Variants in AMMECR1 observed in about 807,000 individuals in gnomAD.
AMMECR1 encodes the protein nuclear protein AMMECR1.
AMMECR1 carries 3 observed loss-of-function variants against 22.5 expected under a neutral mutation model. The ratio of observed to expected loss-of-function variants is 0.13; its 90% CI spans 0.06 to 0.35. AMMECR1 has a LOEUF of 0.35. AMMECR1 is among the 10% of genes least tolerant of loss of function. The pLI is 1.00. For synonymous variants in AMMECR1, 130 were observed against 116.7 expected (o/e 1.11, Z -0.74); for missense variants, 235 against 278.7 (o/e 0.84, Z 1.12).
At chrX:110,229,272 G>A (rs2067549653) in intron 2 of AMMECR1, among the ~76,000 whole-genome samples, 1 of 112,171 alleles carries the variant, frequency 8.9e-6, no homozygotes, top group Non-Finnish European at 1.9e-5. Flanking sequence ...TAAGAACCTA[G>A]TTTTCAAAGA....
intron 1 of AMMECR1, among the ~76,000 whole-genome samples, chrX:110,265,432 TCAAAGAA>T (rs1187834329): frequency 8.9e-6 from 1 of 111,754 alleles, no homozygotes. Context: ...CTCTCAAGCA[TCAAAGAA>T]CAAAGTATCA....
upstream of AMMECR1, among the ~76,000 whole-genome samples, chrX:110,320,772 TC>T (rs1193829192): frequency 8.9e-6 from 1 of 112,228 alleles, no homozygotes; most frequent in Non-Finnish European, 1.9e-5. Context: ...ATTCCAAACC[TC>T]ACTAGCATAA....
rs778983961 is a variant in AMMECR1 at position 110,277,689 on chromosome X, A to G, written c.474-13090T>C. On this transcript the variant is annotated intron_variant, in intron 1 of 5. Coordinates refer to ENST00000262844, the MANE Select transcript of AMMECR1 (RefSeq NM_015365.3). ...TGACTCAACCAATTTCAGGGGCAAC[A>G]CACTACTCAGAACCCAAAGGTTAGA... Among the ~76,000 whole-genome samples, 917 of 112,068 alleles carry G rather than the reference A, an allele frequency of 8.2e-3. 7 individuals carry two copies. The highest frequency in any genetic ancestry group is 0.014 in the Non-Finnish European group (727 of 53,159).
intron 2 of AMMECR1, among the ~76,000 whole-genome samples, chrX:110,333,514 A>C (rs1273781750): frequency 1.8e-5 from 2 of 111,869 alleles, no homozygotes; most frequent in African/African-American, 6.5e-5. Context: ...CTATAAAGAC[A>C]CATGCACACG....
chrX:110,415,437 T>C, intron 2 of AMMECR1, among the ~76,000 whole-genome samples: 1 of 112,098 alleles, frequency 8.9e-6, no homozygotes, highest in South Asian at 3.7e-4. Flanking sequence ...TTCCCCATTT[T>C]CAAAATGTTC....
chrX:110,221,178 C>A (rs1208220221), intron 2 of AMMECR1, among the ~76,000 whole-genome samples: 1 of 111,996 alleles, frequency 8.9e-6, no homozygotes, highest in East Asian at 2.8e-4. Flanking sequence ...AGAAGCAATT[C>A]AACTATGTTT....
At chrX:110,330,306 G>C (rs1196274130) in intron 2 of AMMECR1, among the ~76,000 whole-genome samples, 1 of 111,314 alleles carries the variant, frequency 9.0e-6, no homozygotes, top group Non-Finnish European at 1.9e-5. Context: ...AGTTTTCTCT[G>C]TTTTTCATCC....
rs187609318 is a variant in AMMECR1 at position 110,434,108 on chromosome X, G to A, written c.-294+5782C>T. Among the ~76,000 whole-genome samples, 14 of 111,888 alleles carry A rather than the reference G, an allele frequency of 1.3e-4. No homozygotes were observed. The East Asian group carries it at 3.9e-3, about 31-fold the overall frequency. ...GGTTATGTCAGGAGGAACAGTGGAGGCAGGGGAAGACATTCCAGGCAAAGT... is the reference window on the plus strand; with the variant it reads ...GGTTATGTCAGGAGGAACAGTGGAGACAGGGGAAGACATTCCAGGCAAAGT... On this transcript the variant is annotated intron_variant, in intron 1 of 7. Coordinates refer to the AMMECR1 transcript ENST00000372057.
At chrX:110,438,163 C>T (rs775166326) in intron 1 of AMMECR1, among the ~76,000 whole-genome samples, 3 of 111,488 alleles carry the variant, frequency 2.7e-5, no homozygotes, top group African/African-American at 9.8e-5. Context: ...TCATGTTCCT[C>T]CTCTCTCTTT....
chrX:110,373,684 A>G (rs979217658), intron 2 of AMMECR1, among the ~76,000 whole-genome samples: 5 of 112,372 alleles, frequency 4.4e-5, no homozygotes, highest in Non-Finnish European at 7.5e-5. Flanking sequence ...ATCTTTTTGT[A>G]GCCCTCATGT....
chrX:110,371,369 C>A (rs1418134990), intron 2 of AMMECR1, among the ~76,000 whole-genome samples: 2 of 111,906 alleles, frequency 1.8e-5, no homozygotes. Context: ...GGTATCCATA[C>A]CCTCAAGCAT....
chrX:110,306,449 C>CTTTTATTTT (rs999453314), intron 1 of AMMECR1, among the ~76,000 whole-genome samples: 5 of 111,054 alleles, frequency 4.5e-5, no homozygotes, highest in Non-Finnish European at 9.5e-5. Context: ...ACCTCTGGTA[C>CTTTTATTTT]TTTTATTTTT....
At chrX:110,219,680 T>C (rs986044209) in intron 2 of AMMECR1, 3 of 606,862 alleles carry the variant, frequency 4.9e-6, no homozygotes, top group Admixed American at 8.9e-5. Context: ...ATGAATGGGA[T>C]AAAATGACAA....
At chrX:110,287,908 A>G (rs2067888844) in intron 1 of AMMECR1, among the ~76,000 whole-genome samples, 1 of 112,209 alleles carries the variant, frequency 8.9e-6, no homozygotes, top group Admixed American at 9.4e-5. Context: ...CACCTTCTCT[A>G]CTATTTTTGC....
At chrX:110,346,918 CG>C (rs1348309248) in intron 2 of AMMECR1, 5 of 562,753 alleles carry the variant, frequency 8.9e-6, no homozygotes, top group East Asian at 3.4e-5. Context: ...ATGGTGAACG[CG>C]GGGGCCGGGC....
intron 2 of AMMECR1, among the ~76,000 whole-genome samples, chrX:110,260,048 C>T (rs976673611): frequency 9.0e-6 from 1 of 111,492 alleles, no homozygotes; most frequent in Non-Finnish European, 1.9e-5. Context: ...TCCTTCAGCT[C>T]GGACAAAGAA....
chrX:110,399,657 A>G (rs2068551194), intron 2 of AMMECR1, among the ~76,000 whole-genome samples: 2 of 112,078 alleles, frequency 1.8e-5, no homozygotes, highest in South Asian at 7.5e-4. Flanking sequence ...AATGATTAAT[A>G]TAATCTCATT....
At chrX:110,367,983 A>ATTG (rs2148257755) in intron 2 of AMMECR1, among the ~76,000 whole-genome samples, 1 of 92,597 alleles carries the variant, frequency 1.1e-5, no homozygotes, top group East Asian at 3.2e-4. Context: ...AATTATTATT[A>ATTG]TTATTATTAT....
At chrX:110,418,980 C>T (rs1034966700) in intron 2 of AMMECR1, 11 of 107,447 alleles carry the variant, frequency 1.0e-4, no homozygotes, top group Non-Finnish European at 1.5e-4. Context: ...GACTCACCAA[C>T]AAAAACGACT....
Sources: gnomAD v4.1 joint callset for allele counts (sites outside exome capture counted in the v4.1 genomes callset) on GRCh38, gnomAD v4.1.1 for gene constraint, MANE v1.5 for transcripts, NCBI Gene and HGNC (gene_info 2026-07-23, HGNC 2026-07-21) for gene names.